The following LRRIQ1 variants were observed in gnomAD, a reference collection of about 807,000 sequenced individuals.
LRRIQ1 encodes leucine-rich repeat- and IQ domain-containing protein 1.
In LRRIQ1, 210 loss-of-function variants were observed where a neutral mutation model predicts 211.9. The ratio of observed to expected loss-of-function variants is 0.99; its 90% confidence interval spans 0.89 to 1.11. The LOEUF (loss-of-function observed/expected upper bound fraction) is 1.11, where lower values mean the gene tolerates loss of function less well. Among genes scored for constraint, LRRIQ1 ranks in the 50% most tolerant of loss-of-function variants. The pLI is 0.00. For missense variants in LRRIQ1, 2,136 were observed against 1,939.5 expected (o/e 1.10, Z -1.90); for synonymous variants, 699 against 650.1 (o/e 1.08, Z -1.14).
intron 11 of LRRIQ1, among the ~76,000 whole-genome samples, chr12:85,081,666 A>T (rs1252668730): frequency 6.6e-6 from 1 of 151,358 alleles, no homozygotes; most frequent in Non-Finnish European, 1.5e-5. Flanking sequence ...TATTTTTATA[A>T]AGTTTAATTA....
At chr12:85,045,250 A>G (rs1159582830) in intron 4 of LRRIQ1, among the ~76,000 whole-genome samples, 1 of 151,956 alleles carries the variant, frequency 6.6e-6, no homozygotes, top group Non-Finnish European at 1.5e-5. Context: ...TACTTAAAAA[A>G]TAAGAAGAGC....
downstream of LRRIQ1, among the ~76,000 whole-genome samples, chr12:85,249,124 T>C (rs565955570): frequency 1.3e-5 from 2 of 151,896 alleles, no homozygotes; most frequent in African/African-American, 2.4e-5. Flanking sequence ...ATAGCTCTTA[T>C]GAAAAAATAT....
intron 24 of LRRIQ1, among the ~76,000 whole-genome samples, chr12:85,168,421 C>T (rs1891255703): frequency 6.6e-6 from 1 of 152,150 alleles, no homozygotes; most frequent in South Asian, 2.1e-4. Flanking sequence ...AGCCTATTGA[C>T]TTAGAGGTAG....
rs1329941913 is a variant in LRRIQ1 at position 85,073,008 on chromosome 12, C to T, written c.2797C>T (p.Pro933Ser). 1 of 1,612,628 alleles carries T rather than the reference C, an allele frequency of 6.2e-7. No homozygotes were observed. Among genetic ancestry groups the T allele is most frequent in the South Asian group, 1.1e-5 (1 of 91,026 alleles). Residue 933 changes from proline to serine, a missense_variant, in exon 11 of 27, where the codon CCA becomes TCA. Transcript: ENST00000393217. ...SYLSLAQVWI[P>S]TGLCWSWIPI... is the part of the protein sequence containing the mutation. Reference sequence around the variant, plus strand: ...CTTATCCCTGGCACAAGTCTGGATTCCAACTGGATTATGTTGGTCCTGGAT... The same window carrying T: ...CTTATCCCTGGCACAAGTCTGGATTTCAACTGGATTATGTTGGTCCTGGAT...
intron 11 of LRRIQ1, among the ~76,000 whole-genome samples, chr12:85,094,703 G>A (rs1289365443): frequency 6.6e-6 from 1 of 152,022 alleles, no homozygotes. Context: ...ACTCCTTTGG[G>A]CAGTATGGCC....
chr12:85,106,804 A>T (rs753986107), intron 15 of LRRIQ1, among the ~76,000 whole-genome samples, 189 bp downstream of exon 15: 1 of 152,174 alleles, frequency 6.6e-6, no homozygotes, highest in African/African-American at 2.4e-5. Flanking sequence ...ATTTTCTTGC[A>T]CATGTGTGAA....
Position 85,047,238 on chromosome 12 carries a change from T to C in LRRIQ1, c.455-9T>C. The C allele has an allele frequency of 6.4e-7, 1 of 1,551,930 alleles. No individual in the cohort carries two copies. The highest frequency in any genetic ancestry group is 8.7e-7 in the Non-Finnish European group (1 of 1,152,632). On this transcript the variant is annotated splice_polypyrimidine_tract_variant and intron_variant, in intron 5 of 26. Transcript: ENST00000393217. ...CAAATGATGATGTTATTTTTCTTCA[T>C]GAGTGCAGATGATGCTGATATAAAT...
At chr12:85,118,201 A>G (rs200571818) in intron 15 of LRRIQ1, among the ~76,000 whole-genome samples, 1 of 152,162 alleles carries the variant, frequency 6.6e-6, no homozygotes. Context: ...CTTTGTGGCA[A>G]ATAGGGTAGT....
intron 3 of LRRIQ1, among the ~76,000 whole-genome samples, chr12:85,041,946 T>C (rs1878938392): frequency 6.6e-6 from 1 of 151,864 alleles, no homozygotes; most frequent in African/African-American, 2.4e-5. Flanking sequence ...GGAAGGTGGC[T>C]CCAAGAATTT....
chr12:85,268,299 A>G (rs909927036), downstream of LRRIQ1, among the ~76,000 whole-genome samples: 12 of 151,928 alleles, frequency 7.9e-5, no homozygotes, highest in African/African-American at 1.4e-4. Flanking sequence ...TGTAAAAGGT[A>G]TAAATTTCTA....
At chr12:85,182,938 G>A (rs1213613673) in intron 24 of LRRIQ1, among the ~76,000 whole-genome samples, 1 of 152,170 alleles carries the variant, frequency 6.6e-6, no homozygotes, top group Non-Finnish European at 1.5e-5. Context: ...TCTGCTGGCA[G>A]AGTGCAAACC....
chr12:85,060,438 C>T (rs1330411957), intron 8 of LRRIQ1, among the ~76,000 whole-genome samples: 1 of 151,592 alleles, frequency 6.6e-6, no homozygotes, highest in African/African-American at 2.4e-5. Context: ...TAAGTAATAA[C>T]CACCACAAAA....
intron 24 of LRRIQ1, among the ~76,000 whole-genome samples, chr12:85,198,093 A>G (rs1332650865): frequency 4.3e-5 from 5 of 116,276 alleles, no homozygotes; most frequent in Non-Finnish European, 6.6e-5. Flanking sequence ...TTATTATATT[A>G]TATATTATAT....
At chr12:85,087,882 C>T (rs1456817104) in intron 11 of LRRIQ1, among the ~76,000 whole-genome samples, 1 of 152,028 alleles carries the variant, frequency 6.6e-6, no homozygotes, top group African/African-American at 2.4e-5. Context: ...AAATGTTCTC[C>T]CATTCTGTAG....
At chr12:85,262,993 G>A (rs1301486496) in exon 2 of LRRIQ1, 1 of 987,616 alleles carries the variant, frequency 1.0e-6, no homozygotes, top group African/African-American at 1.7e-5. Flanking sequence ...ATATCATTCC[G>A]AGACAATCCT....
At chr12:85,149,684 T>C (rs1890110261) in intron 19 of LRRIQ1, among the ~76,000 whole-genome samples, 1 of 151,770 alleles carries the variant, frequency 6.6e-6, no homozygotes, top group Non-Finnish European at 1.5e-5. Context: ...CCAAATCTAT[T>C]TGATATTAAT....
intron 24 of LRRIQ1, among the ~76,000 whole-genome samples, chr12:85,221,139 A>G (rs535156503): frequency 6.6e-5 from 10 of 152,100 alleles, no homozygotes; most frequent in Admixed American, 1.3e-4. Context: ...CCATACCATT[A>G]GTTGTTAATT....
chr12:85,078,589 A>G (rs1337119634), intron 11 of LRRIQ1, among the ~76,000 whole-genome samples: 1 of 152,088 alleles, frequency 6.6e-6, no homozygotes, highest in African/African-American at 2.4e-5. Flanking sequence ...TTTTGAGGGC[A>G]TGCTATTTGG....
intron 26 of LRRIQ1, among the ~76,000 whole-genome samples, chr12:85,239,568 A>T (rs1376510021): frequency 6.6e-6 from 1 of 152,092 alleles, no homozygotes; most frequent in Non-Finnish European, 1.5e-5. Context: ...TTCTACACAT[A>T]GTGCTGGACA....
Sources: gnomAD v4.1 joint callset for allele counts (sites outside exome capture counted in the v4.1 genomes callset) on GRCh38, gnomAD v4.1.1 for gene constraint, MANE v1.5 for transcripts, NCBI Gene and HGNC (gene_info 2026-07-23, HGNC 2026-07-21) for gene names.